Variants in CCDC138 observed in about 807,000 individuals in gnomAD.
The protein encoded by CCDC138 is coiled-coil domain containing 138, also known as coiled-coil domain-containing protein 138.
In CCDC138, 66 loss-of-function variants were observed where a neutral mutation model predicts 82.3. That is an observed-to-expected ratio of 0.80 (90% CI 0.66 to 0.98). The LOEUF (loss-of-function observed/expected upper bound fraction) is 0.98. Among genes scored for constraint, CCDC138 ranks in the 50% least tolerant of loss-of-function variants. The pLI is 0.00. For synonymous variants in CCDC138, 297 were observed against 265.4 expected, an observed-to-expected ratio of 1.12 and a Z score of -1.16; for missense variants, 816 against 758.9, an observed-to-expected ratio of 1.08 and a Z score of -0.88.
chr2:108,837,643 T>C (rs1320887454), intron 10 of CCDC138, among the ~76,000 whole-genome samples: 1 of 152,220 alleles, frequency 6.6e-6, no homozygotes, highest in African/African-American at 2.4e-5. Context: ...AAACCTGTGC[T>C]GCCAGTTACA....
chr2:108,835,568 A>C (rs1255396524), intron 10 of CCDC138, among the ~76,000 whole-genome samples: 1 of 152,244 alleles, frequency 6.6e-6, no homozygotes, highest in Non-Finnish European at 1.5e-5. Flanking sequence ...ACCATAGTTT[A>C]AATACCTTAC....
intron 6 of CCDC138, 131 bp from the exon 7 acceptor site, chr2:108,804,758 G>T: frequency 1.4e-6 from 1 of 719,954 alleles, no homozygotes; most frequent in Non-Finnish European, 2.1e-6. Flanking sequence ...CTAGTCACTT[G>T]TGCTTGCATA....
intron 9 of CCDC138, among the ~76,000 whole-genome samples, chr2:108,813,248 CAAA>C (rs371435296): frequency 2.0e-4 from 13 of 63,564 alleles, no homozygotes; most frequent in African/African-American, 8.1e-4. Context: ...GACTCCGTCT[CAAA>C]AAAAAAAAAA....
intron 10 of CCDC138, among the ~76,000 whole-genome samples, chr2:108,817,550 C>G (rs917736761): frequency 7.9e-5 from 12 of 152,138 alleles, no homozygotes; most frequent in African/African-American, 2.9e-4. Context: ...CTCGGCCTCC[C>G]AAAGTGCTGG....
At chr2:108,806,754 T>G (rs533481601) in intron 7 of CCDC138, among the ~76,000 whole-genome samples, 1 of 152,342 alleles carries the variant, frequency 6.6e-6, no homozygotes, top group South Asian at 2.1e-4. Flanking sequence ...ATATGTTATT[T>G]CTGTGACTGA....
chr2:108,875,524 C>T (rs769737478), intron 14 of CCDC138, among the ~76,000 whole-genome samples: 6 of 151,996 alleles, frequency 3.9e-5, no homozygotes, highest in South Asian at 2.1e-4. Context: ...AAAATTCTCA[C>T]GCTCTCTAAT....
intron 13 of CCDC138, 139 bp from the exon 14 acceptor site, chr2:108,873,312 A>G (rs889234916): frequency 1.4e-6 from 1 of 724,746 alleles, no homozygotes; most frequent in Non-Finnish European, 2.0e-6. Context: ...TGATATTTTC[A>G]CTCAAAAATT....
At chr2:108,877,984 G>A (rs1188934175), downstream of CCDC138, among the ~76,000 whole-genome samples, 1 of 152,210 alleles carries the variant, frequency 6.6e-6, no homozygotes, top group Non-Finnish European at 1.5e-5. Flanking sequence ...TCTCCCTAGT[G>A]AAGATGCCTT....
intron 6 of CCDC138, among the ~76,000 whole-genome samples, chr2:108,800,216 A>G (rs888670144): frequency 6.6e-6 from 1 of 152,116 alleles, no homozygotes; most frequent in African/African-American, 2.4e-5. Context: ...TCTGGAGAAT[A>G]TTATTGATTT....
intron 6 of CCDC138, among the ~76,000 whole-genome samples, chr2:108,799,038 T>C (rs1002665680): frequency 1.3e-5 from 2 of 152,130 alleles, no homozygotes; most frequent in Non-Finnish European, 2.9e-5. Context: ...AGTATGTCTT[T>C]TATTGTTTGT....
At chr2:108,802,310 A>G (rs1179034862) in intron 6 of CCDC138, among the ~76,000 whole-genome samples, 1 of 101,180 alleles carries the variant, frequency 9.9e-6, no homozygotes, top group Admixed American at 1.0e-4. Context: ...TTCCTTGAGC[A>G]GTGGTTTGTA....
chr2:108,873,197 G>A (rs1000945943), intron 13 of CCDC138, among the ~76,000 whole-genome samples: 17 of 151,916 alleles, frequency 1.1e-4, no homozygotes, highest in South Asian at 6.3e-4. Flanking sequence ...TTCAAACATG[G>A]GATTTCTTCT....
chr2:108,857,066 CTTTTTTTTTTTTTTT>C (rs35540493), intron 13 of CCDC138, 96 bp downstream of exon 13: 22 of 44,066 alleles, frequency 5.0e-4, no homozygotes, highest in South Asian at 1.4e-3. Context: ...GATACTATTG[CTTTTTTTTTTTTTTT>C]TTTTTTTTTT....
intron 5 of CCDC138, 100 bp from the exon 6 acceptor site, chr2:108,798,328 C>A: frequency 7.3e-7 from 1 of 1,376,072 alleles, no homozygotes; most frequent in Non-Finnish European, 9.9e-7. Flanking sequence ...CCCTGTATTC[C>A]TGAAAACCAC....
At chr2:108,797,572 G>A (rs910708607) in intron 5 of CCDC138, among the ~76,000 whole-genome samples, 2 of 152,090 alleles carry the variant, frequency 1.3e-5, no homozygotes, top group Non-Finnish European at 2.9e-5. Flanking sequence ...TAGTTCAGAT[G>A]GGGTGGGAGA....
intron 13 of CCDC138, among the ~76,000 whole-genome samples, chr2:108,867,830 T>C (rs1015583953): frequency 1.3e-5 from 2 of 152,222 alleles, no homozygotes; most frequent in African/African-American, 2.4e-5. Context: ...TCATCAGAAC[T>C]GGAATAAAAG....
intron 13 of CCDC138, among the ~76,000 whole-genome samples, chr2:108,868,303 T>C (rs1292159539): frequency 2.0e-5 from 3 of 152,350 alleles, no homozygotes; most frequent in South Asian, 2.1e-4. Context: ...TCCTTATTAC[T>C]GAAAGTAACT....
At chr2:108,881,147 G>T (rs114989529), downstream of CCDC138, among the ~76,000 whole-genome samples, 2,679 of 152,336 alleles carry the variant, frequency 0.018, 68 homozygotes, top group African/African-American at 0.062. Flanking sequence ...TTGAAAATCT[G>T]TTGTGTAGTG....
chr2:108,849,827 A>G (rs1329287440), intron 12 of CCDC138, among the ~76,000 whole-genome samples: 1 of 152,218 alleles, frequency 6.6e-6, no homozygotes, highest in Non-Finnish European at 1.5e-5. Flanking sequence ...CCTGGGGCCA[A>G]GGTACATGCT....
Sources: allele counts gnomAD v4.1 joint callset (sites outside exome capture counted in the v4.1 genomes callset), GRCh38; gene constraint gnomAD v4.1.1; transcripts MANE v1.5; gene names NCBI Gene and HGNC (gene_info 2026-07-23, HGNC 2026-07-21).